Variants in PGPEP1L observed in about 807,000 individuals in gnomAD.
The protein encoded by PGPEP1L is pyroglutamyl-peptidase I like, also known as pyroglutamyl-peptidase 1-like protein.
PGPEP1L carries 7 observed loss-of-function variants against 6.0 expected under a neutral mutation model. That is an observed-to-expected ratio of 1.17 (90% CI 0.66 to 2.19). The LOEUF (loss-of-function observed/expected upper bound fraction) is 2.19. PGPEP1L is among the 30% of genes most tolerant of loss of function. The pLI is 0.00. For synonymous variants in PGPEP1L, 103 were observed against 83.9 expected, an observed-to-expected ratio of 1.23 and a Z score of -1.24; for missense variants, 209 against 192.5, an observed-to-expected ratio of 1.09 and a Z score of -0.51.
intron 2 of PGPEP1L, among the ~76,000 whole-genome samples, chr15:98,994,076 G>A (rs2151763727): frequency 1.3e-5 from 2 of 151,224 alleles, no homozygotes; most frequent in Middle Eastern, 7.2e-3. Flanking sequence ...GACCATCCTG[G>A]CCAACATGGT....
chr15:99,001,944 C>G (rs1214815896), intron 2 of PGPEP1L, among the ~76,000 whole-genome samples: 3 of 152,160 alleles, frequency 2.0e-5, no homozygotes, highest in African/African-American at 7.2e-5. Context: ...TCTCGAACTC[C>G]TGCCCTAAGT....
intron 2 of PGPEP1L, among the ~76,000 whole-genome samples, chr15:98,989,321 G>T (rs1384284933): frequency 6.6e-6 from 1 of 152,114 alleles, no homozygotes; most frequent in Non-Finnish European, 1.5e-5. Context: ...CAGAGCACAA[G>T]AACTTCAAGA....
Position 98,987,099 on chromosome 15 carries a change from G to A in PGPEP1L, c.-141-15941C>T, listed in dbSNP as rs188855864. ...GGAGAATTGCTTAAACCCGGGAGGCGAGGTTGCAATGAGCCAAGATTGTGC... is the reference window on the plus strand; with the variant it reads ...GGAGAATTGCTTAAACCCGGGAGGCAAGGTTGCAATGAGCCAAGATTGTGC... On this transcript the variant is annotated intron_variant, in intron 2 of 4. Transcript: ENST00000535714. Among the ~76,000 whole-genome samples the A allele has an allele frequency of 1.1e-4, 16 of 139,994 alleles. No homozygotes were observed. The East Asian group carries it at 2.1e-3, about 18-fold the overall frequency. The allele number at this position is 139,994 out of a possible 152,430, so 91.8% of individuals were successfully genotyped here. A position where few individuals can be genotyped will look rare whatever the true frequency, so the allele number is the denominator to read the frequency against.
At chr15:98,981,978 T>C (rs942021660) in intron 2 of PGPEP1L, among the ~76,000 whole-genome samples, 1 of 152,234 alleles carries the variant, frequency 6.6e-6, no homozygotes, top group African/African-American at 2.4e-5. Flanking sequence ...GGGGTCATTC[T>C]GAAAGATCAT....
intron 2 of PGPEP1L, among the ~76,000 whole-genome samples, chr15:98,993,312 AGAC>A (rs1371248364): frequency 6.6e-6 from 1 of 152,252 alleles, no homozygotes; most frequent in African/African-American, 2.4e-5. Context: ...ACTTCTCAAA[AGAC>A]GACATTTATG....
intron 3 of PGPEP1L, 64 bp downstream of exon 3, chr15:98,970,972 G>A (rs1296678153): frequency 1.3e-5 from 21 of 1,598,632 alleles, no homozygotes; most frequent in Middle Eastern, 1.7e-4. Context: ...CAGGACCCGG[G>A]GGTTCAGAGG....
intron 2 of PGPEP1L, among the ~76,000 whole-genome samples, chr15:98,975,876 G>C (rs999892871): frequency 2.6e-5 from 4 of 151,952 alleles, no homozygotes; most frequent in Admixed American, 1.3e-4. Flanking sequence ...GCGAGACTCT[G>C]TCTCAAAATA....
chr15:99,004,414 T>C (rs2018018426), intron 2 of PGPEP1L, among the ~76,000 whole-genome samples: 1 of 140,554 alleles, frequency 7.1e-6, no homozygotes, highest in African/African-American at 2.7e-5. Flanking sequence ...CTCAGAAAAA[T>C]TAAAAATATA....
intron 2 of PGPEP1L, among the ~76,000 whole-genome samples, chr15:99,004,506 T>C (rs2018019788): frequency 6.6e-6 from 1 of 151,872 alleles, no homozygotes; most frequent in Non-Finnish European, 1.5e-5. Flanking sequence ...GATCACAAGG[T>C]CAAGAGATCG....
chr15:98,969,150 G>A (rs553298692), intron 4 of PGPEP1L, among the ~76,000 whole-genome samples: 3 of 152,224 alleles, frequency 2.0e-5, no homozygotes, highest in African/African-American at 4.8e-5. Flanking sequence ...TTCACGAAAT[G>A]TTAGTGGCTC....
chr15:98,971,198 G>GT (rs2017490634), intron 2 of PGPEP1L, 40 bp from the exon 3 acceptor site: 1 of 286,940 alleles, frequency 3.5e-6, no homozygotes, highest in Non-Finnish European at 4.7e-6. Flanking sequence ...AGTTGATGGG[G>GT]GGGGGGGGGG....
At chr15:99,006,024 T>C (rs76772454) in intron 1 of PGPEP1L, among the ~76,000 whole-genome samples, 104 of 152,206 alleles carry the variant, frequency 6.8e-4, no homozygotes, top group African/African-American at 2.5e-3. Flanking sequence ...TTCCACAAAA[T>C]ATGTGAGATG....
At chr15:99,005,032 G>A (rs550472142) in intron 2 of PGPEP1L, among the ~76,000 whole-genome samples, 23 of 152,154 alleles carry the variant, frequency 1.5e-4, no homozygotes, top group African/African-American at 4.6e-4. Context: ...GTTTCTGGGC[G>A]TATAGATCCC....
chr15:99,007,180 G>T (rs1459574318), intron 1 of PGPEP1L, among the ~76,000 whole-genome samples, 179 bp downstream of exon 1: 1 of 152,200 alleles, frequency 6.6e-6, no homozygotes, highest in African/African-American at 2.4e-5. Flanking sequence ...GCTCCCACTA[G>T]TCTCCCACTC....
intron 2 of PGPEP1L, among the ~76,000 whole-genome samples, chr15:98,981,237 A>C (rs2017654301): frequency 6.6e-6 from 1 of 152,152 alleles, no homozygotes; most frequent in Non-Finnish European, 1.5e-5. Flanking sequence ...TCCCGCCTGT[A>C]ATCCCAGCAC....
intron 2 of PGPEP1L, among the ~76,000 whole-genome samples, chr15:98,974,623 G>A (rs555378945): frequency 7.2e-5 from 11 of 151,928 alleles, no homozygotes; most frequent in African/African-American, 1.9e-4. Context: ...GGGGCCGGGC[G>A]CGGTGGCTCA....
At chr15:98,986,335 G>A (rs1405561524) in intron 2 of PGPEP1L, among the ~76,000 whole-genome samples, 1 of 152,206 alleles carries the variant, frequency 6.6e-6, no homozygotes, top group African/African-American at 2.4e-5. Context: ...TTCAAAAAGG[G>A]GAGGTGGACT....
At chr15:98,997,193 T>C (rs1555472580) in intron 2 of PGPEP1L, among the ~76,000 whole-genome samples, 3 of 152,218 alleles carry the variant, frequency 2.0e-5, no homozygotes, top group Non-Finnish European at 4.4e-5. Flanking sequence ...CTTTCTGGTA[T>C]GTTGTGTGCA....
At chr15:98,974,378 CAA>C (rs67979607) in intron 2 of PGPEP1L, among the ~76,000 whole-genome samples, 94 of 147,650 alleles carry the variant, frequency 6.4e-4, no homozygotes, top group South Asian at 1.9e-3. Flanking sequence ...GACCCTGTCT[CAA>C]AAAAAAATAA....
Sources: allele counts gnomAD v4.1 joint callset (sites outside exome capture counted in the v4.1 genomes callset), GRCh38; gene constraint gnomAD v4.1.1; transcripts MANE v1.5; gene names NCBI Gene and HGNC (gene_info 2026-07-23, HGNC 2026-07-21).